The following EIF4G3 variants were observed in gnomAD, a reference collection of about 807,000 sequenced individuals.
EIF4G3 encodes the protein eIF-4-gamma 3.
EIF4G3 carries 34 observed loss-of-function variants against 186.4 expected under a neutral mutation model. The observed-to-expected ratio is 0.18, with a 90% CI of 0.14 to 0.24. EIF4G3 has a LOEUF of 0.24. Among genes scored for constraint, EIF4G3 ranks in the 10% least tolerant of loss-of-function variants. The pLI, the probability that EIF4G3 is intolerant of heterozygous loss-of-function variation, is 1.00. For missense variants in EIF4G3, 1,536 were observed against 1,948.5 expected, an observed-to-expected ratio of 0.79 and a Z score of 3.99; for synonymous variants, 673 against 679.5, an observed-to-expected ratio of 0.99 and a Z score of 0.15.
chr1:20,968,957 A>T (rs964169103), intron 12 of EIF4G3, among the ~76,000 whole-genome samples: 11 of 152,196 alleles, frequency 7.2e-5, no homozygotes, highest in African/African-American at 2.7e-4. Flanking sequence ...ATTAAAGAAG[A>T]CACTCTGCAC....
chr1:21,148,618 T>C (rs1267837313), intron 2 of EIF4G3, among the ~76,000 whole-genome samples: 1 of 147,874 alleles, frequency 6.8e-6, no homozygotes, highest in Non-Finnish European at 1.5e-5. Flanking sequence ...AGGAGAATGG[T>C]GTGAACCCAG....
chr1:20,934,305 T>A (rs1396331144), intron 14 of EIF4G3, among the ~76,000 whole-genome samples: 1 of 152,154 alleles, frequency 6.6e-6, no homozygotes, highest in Non-Finnish European at 1.5e-5. Context: ...AGACTATTCT[T>A]AAACAGTTTG....
chr1:20,825,245 G>C, intron 32 of EIF4G3, 47 bp from the exon 33 acceptor site: 24 of 228,518 alleles, frequency 1.1e-4, no homozygotes, highest in South Asian at 2.3e-4. Flanking sequence ...AGTGGAAGAA[G>C]AAACAGAAAA....
At chr1:20,878,475 A>AT (rs1274635528) in intron 20 of EIF4G3, among the ~76,000 whole-genome samples, 4 of 152,164 alleles carry the variant, frequency 2.6e-5, no homozygotes, top group Non-Finnish European at 5.9e-5. Flanking sequence ...TTTCAAATGG[A>AT]TTTTGAATTC....
chr1:20,951,711 T>G (rs568330179), intron 12 of EIF4G3, among the ~76,000 whole-genome samples: 4 of 149,808 alleles, frequency 2.7e-5, no homozygotes, highest in African/African-American at 9.7e-5. Flanking sequence ...AAAAAAATAT[T>G]AACTACTCCA....
At chr1:20,897,537 T>G (rs915125272) in intron 16 of EIF4G3, among the ~76,000 whole-genome samples, 4 of 152,034 alleles carry the variant, frequency 2.6e-5, no homozygotes, top group Admixed American at 2.0e-4. Flanking sequence ...AAATCACAGT[T>G]TTCTTATTTT....
intron 2 of EIF4G3, among the ~76,000 whole-genome samples, chr1:21,106,383 G>A (rs1012057861): frequency 2.0e-5 from 3 of 152,078 alleles, no homozygotes; most frequent in Non-Finnish European, 2.9e-5. Flanking sequence ...AATGAATGGC[G>A]AGAAAAGGAC....
chr1:21,038,872 T>C (rs1013054041), intron 4 of EIF4G3, among the ~76,000 whole-genome samples: 6 of 152,168 alleles, frequency 3.9e-5, no homozygotes, highest in Non-Finnish European at 8.8e-5. Flanking sequence ...GTGTCCATTA[T>C]GAAACATATT....
intron 2 of EIF4G3, chr1:21,174,712 G>C (rs1227855448): frequency 6.6e-6 from 1 of 152,106 alleles, no homozygotes; most frequent in African/African-American, 2.4e-5. Context: ...AAACCAACCA[G>C]GTTTTCCATA....
intron 29 of EIF4G3, among the ~76,000 whole-genome samples, chr1:20,841,471 A>G (rs1258039858): frequency 3.3e-5 from 5 of 152,232 alleles, no homozygotes; most frequent in Non-Finnish European, 1.5e-5. Context: ...TATATTATGA[A>G]ATAGAAATTT....
intron 22 of EIF4G3, among the ~76,000 whole-genome samples, chr1:20,863,799 GC>G (rs1273234751): frequency 6.6e-6 from 1 of 150,426 alleles, no homozygotes; most frequent in East Asian, 1.9e-4. Flanking sequence ...TGTGTCTTTT[GC>G]CCCTTTTCCT....
At chr1:20,891,859 C>G (rs960779852) in intron 18 of EIF4G3, among the ~76,000 whole-genome samples, 1 of 151,026 alleles carries the variant, frequency 6.6e-6, no homozygotes. Context: ...TGAGGTAACT[C>G]AAGATTTAGA....
In EIF4G3 at chr1:20,853,218, T is replaced by C. The variant is rs934207597; in HGVS notation, c.3551+342A>G. 4.6e-5 allele frequency among the ~76,000 whole-genome samples: 7 copies of C among 151,834 alleles called. 1 individual carries two copies. Among genetic ancestry groups the C allele is most frequent in the African/African-American group, 1.5e-4 (6 of 41,314 alleles). ...TAACATGAAGAGTGTGACAGAGAAA[T>C]GTATGGGTGGATTGTCATGTTCTTT... On this transcript the variant is annotated intron_variant, in intron 27 of 36. Coordinates refer to ENST00000602326, the MANE Select transcript of EIF4G3 (RefSeq NM_001391906.1).
chr1:20,994,234 T>C (rs548863032), intron 7 of EIF4G3, among the ~76,000 whole-genome samples: 1 of 152,338 alleles, frequency 6.6e-6, no homozygotes, highest in South Asian at 2.1e-4. Flanking sequence ...CAAACCAAAT[T>C]GACCCCACAT....
chr1:21,050,236 G>A (rs971420572), intron 4 of EIF4G3, among the ~76,000 whole-genome samples: 13 of 152,148 alleles, frequency 8.5e-5, no homozygotes, highest in Non-Finnish European at 1.9e-4. Flanking sequence ...GCAACAGTAG[G>A]TCGGTGCAAG....
intron 2 of EIF4G3, among the ~76,000 whole-genome samples, chr1:21,101,614 G>C (rs1445682208): frequency 5.1e-5 from 3 of 58,300 alleles, no homozygotes; most frequent in African/African-American, 2.1e-4. Context: ...AGTAAGGAAG[G>C]AACAAAGAAA....
In EIF4G3 at chr1:20,942,192, G is replaced by A. The variant is rs761614623; in HGVS notation, c.962C>T (p.Pro321Leu). 13 of 1,614,184 alleles carry A rather than the reference G, an allele frequency of 8.1e-6. No individual in the cohort carries two copies. The highest frequency in any genetic ancestry group is 2.2e-5 in the South Asian group (2 of 91,090). The stretch of plus-strand genomic sequence containing the variant: ...AGAAGAAACAGTGGTAGGTGATGGA[G>A]GCAGAGGAAGCTCTGCTATGGATAC... ...AIVSIAELPL[P>L]PSPTTVSSVA... Residue 321 changes from proline (P) to leucine (L), a missense_variant, in exon 14 of 37, where the codon CCT (proline) becomes CTT (leucine). Pro to Leu is a moderately conservative substitution (Grantham distance 98). This residue lies in a region of EIF4G3 where 560 missense variants were observed against 547.8 expected (regional missense o/e 1.02). Transcript: ENST00000602326.
intron 4 of EIF4G3, among the ~76,000 whole-genome samples, chr1:21,030,732 T>TA (rs764446889): frequency 2.0e-5 from 3 of 152,258 alleles, no homozygotes; most frequent in African/African-American, 7.2e-5. Flanking sequence ...GTTTTACACT[T>TA]ACAAAACATC....
intron 29 of EIF4G3, among the ~76,000 whole-genome samples, chr1:20,847,493 AT>A (rs377643614): frequency 1.3e-5 from 2 of 152,158 alleles, no homozygotes; most frequent in African/African-American, 4.8e-5. Flanking sequence ...ACAGGATCAT[AT>A]TTTTCCCCTT....
Sources: allele counts gnomAD v4.1 joint callset (sites outside exome capture counted in the v4.1 genomes callset), GRCh38; gene constraint gnomAD v4.1.1; regional missense constraint gnomAD v4.1.1; transcripts MANE v1.5; gene names NCBI Gene and HGNC (gene_info 2026-07-23, HGNC 2026-07-21).